DPP9: variants seen among roughly 807,000 people sequenced by gnomAD.
DPP9 encodes dipeptidyl peptidase 9.
In DPP9, 50 loss-of-function variants were observed where a neutral mutation model predicts 110.7. The observed-to-expected ratio is 0.45, with a 90% CI of 0.36 to 0.57. The LOEUF (loss-of-function observed/expected upper bound fraction) is 0.57, where lower values mean the gene tolerates loss of function less well. DPP9 is among the 20% of genes least tolerant of loss of function. The probability of loss-of-function intolerance (pLI) is 0.00; values close to 1 mark genes in which losing one functional copy is unlikely to be tolerated. For synonymous variants in DPP9, 561 were observed against 514.4 expected (o/e 1.09, Z -1.23); for missense variants, 1,022 against 1,217.9 (o/e 0.84, Z 2.39).
Position 4,718,629 on chromosome 19 carries a change from C to T in DPP9, c.56+1222G>A, listed in dbSNP as rs773522263. On this transcript the variant is annotated intron_variant, in intron 3 of 21. Transcript: ENST00000262960. This position sits in a 1 kb window ranked among gnomAD's most constrained non-coding sequence, Gnocchi z 4.3. ...TTGATGAGCAACCTTTACAGAGTCA[C>T]CCAGCAGCCTGTGCCCAGGTGGGAC... Among the ~76,000 whole-genome samples, 4 of 152,188 alleles carry T rather than the reference C, an allele frequency of 2.6e-5. No individual in the cohort carries two copies. The highest frequency in any genetic ancestry group is 5.9e-5 in the Non-Finnish European group (4 of 68,024).
At chr19:4,712,523 C>A (rs1433869641) in intron 4 of DPP9, among the ~76,000 whole-genome samples, 2 of 152,006 alleles carry the variant, frequency 1.3e-5, no homozygotes, top group Non-Finnish European at 2.9e-5. Context: ...TGCACTCCAG[C>A]CTGGGCAATG....
Position 4,689,490 on chromosome 19 carries a change from G to A in DPP9, c.1749+80C>T, listed in dbSNP as rs891539944. ...GACCATGAGAATGACCCTGAGTGCT[G>A]TGCCGGGCCATGAGGGACTGCTCTG... On this transcript the variant is annotated intron_variant, in intron 15 of 21. Coordinates refer to ENST00000262960, the MANE Select transcript of DPP9 (RefSeq NM_139159.5). This position sits in a 1 kb window ranked among gnomAD's most constrained non-coding sequence, Gnocchi z 7.0. The A allele has an allele frequency of 6.7e-7, 1 of 1,493,500 alleles. No homozygotes were observed. Among genetic ancestry groups the A allele is most frequent in the Non-Finnish European group, 8.9e-7 (1 of 1,118,806 alleles). 92.5% of individuals were successfully genotyped at this position (1,493,500 alleles called of 1,614,324 possible).
rs115007261 is a variant in DPP9, at chr19:4,694,618, G to T, written c.1516+43C>A. 4,787 of 1,587,520 alleles carry T rather than the reference G, an allele frequency of 3.0e-3. 111 individuals carry two copies. The African/African-American group carries it at 0.053, about 18-fold the overall frequency. On this transcript the variant is annotated intron_variant, in intron 13 of 21. Transcript: ENST00000262960. This position sits in a 1 kb window ranked among gnomAD's most constrained non-coding sequence, Gnocchi z 4.0. ...ACAAACAGCATATTGAACCACACGTGACTAACGCGATGAGTCGACAGCATT... is the reference window on the plus strand; with the variant it reads ...ACAAACAGCATATTGAACCACACGTTACTAACGCGATGAGTCGACAGCATT...
Position 4,689,513 on chromosome 19 carries a change from C to G in DPP9, c.1749+57G>C. 1 of 1,527,716 alleles carries G rather than the reference C, an allele frequency of 6.5e-7. No homozygotes were observed. Among genetic ancestry groups the G allele is most frequent in the Non-Finnish European group, 8.7e-7 (1 of 1,143,066 alleles). 94.6% of individuals were successfully genotyped at this position (1,527,716 alleles called of 1,614,324 possible). On this transcript the variant is annotated intron_variant, in intron 15 of 21. Transcript: ENST00000262960. The surrounding 1 kb of genome is among the most constrained non-coding windows in gnomAD (Gnocchi z 7.0). ...CTGTGCCGGGCCATGAGGGACTGCT[C>G]TGGCTGGGAGCTGTTGGACGGGCAC... is the stretch of plus-strand genomic sequence containing the variant.
intron 4 of DPP9, among the ~76,000 whole-genome samples, chr19:4,709,932 G>A (rs979049246): frequency 6.6e-6 from 1 of 152,194 alleles, no homozygotes; most frequent in African/African-American, 2.4e-5. Context: ...GGACACCAGG[G>A]CCACCTCCTT....
chr19:4,679,763 G>T, intron 21 of DPP9, 72 bp downstream of exon 21: 4 of 1,204,332 alleles, frequency 3.3e-6, no homozygotes, highest in South Asian at 1.3e-5. Flanking sequence ...AAGCCACCCC[G>T]CCTCGTCCCA....
rs1568305074 is a variant in DPP9, at chr19:4,685,667, T to C, written c.1990A>G (p.Lys664Glu). 1.2e-6 allele frequency: 2 copies of C among 1,612,584 alleles called. No individual in the cohort carries two copies. The highest frequency in any genetic ancestry group is 1.6e-4 in the Middle Eastern group (1 of 6,062). ...IYKPHALQPGKKHPTVLFVYG... is the reference protein window; with the variant it reads ...IYKPHALQPGEKHPTVLFVYG... Reference sequence around the variant, plus strand: ...ACAAAGAGGACGGTGGGGTGCTTCTTCCCTGGCTGCAAGGCGTGGGGCTTG... The same window carrying C: ...ACAAAGAGGACGGTGGGGTGCTTCTCCCCTGGCTGCAAGGCGTGGGGCTTG... The change falls in exon 17 of 22, where the codon AAG becomes GAG. Residue 664 changes from lysine to glutamate, a missense_variant. Coordinates refer to ENST00000262960, the MANE Select transcript of DPP9 (RefSeq NM_139159.5). The surrounding 1 kb of genome is among the most constrained non-coding windows in gnomAD (Gnocchi z 5.8).
intron 4 of DPP9, among the ~76,000 whole-genome samples, chr19:4,707,206 G>A (rs977547171): frequency 3.3e-5 from 5 of 152,158 alleles, no homozygotes; most frequent in Admixed American, 2.6e-4. Flanking sequence ...AGTAAGCCGC[G>A]GCTTTCCACC....
chr19:4,691,558 C>A (rs1054107681), intron 13 of DPP9, among the ~76,000 whole-genome samples: 1 of 151,094 alleles, frequency 6.6e-6, no homozygotes, highest in South Asian at 2.1e-4. Context: ...TAGAACCCTC[C>A]AAAGGCCACA....
At position 4,684,490 on chromosome 19, in the gene DPP9, G is replaced by T; in HGVS notation, c.2178+173C>A. 1.4e-6 allele frequency: 1 copy of T among 704,074 alleles called. No homozygotes were observed. Among genetic ancestry groups the T allele is most frequent in the Non-Finnish European group, 2.3e-6 (1 of 429,806 alleles). 43.6% of individuals were successfully genotyped at this position (704,074 alleles called of 1,614,324 possible). On this transcript the variant is annotated intron_variant, in intron 18 of 21. Transcript: ENST00000262960. The surrounding 1 kb of genome is among the most constrained non-coding windows in gnomAD (Gnocchi z 4.8). ...GCGCAGCCCAGAGCTGAGCAGCAAAGCATACATCCCCTTTTGTTCTAAAAG... is the reference window on the plus strand; with the variant it reads ...GCGCAGCCCAGAGCTGAGCAGCAAATCATACATCCCCTTTTGTTCTAAAAG...
chr19:4,695,498 G>C lies in DPP9; in HGVS notation c.1233C>G (p.Pro411=), dbSNP rs758162683. The C allele has an allele frequency of 9.6e-6, 15 of 1,559,934 alleles. No individual in the cohort carries two copies. Among genetic ancestry groups the C allele is most frequent in the Non-Finnish European group, 1.2e-5 (14 of 1,155,560 alleles). ...PQQWLQLVLL[P]PALFIPSTEN... is the part of the protein sequence containing the mutation. ...CTGTGCTCGGGATGAACAGGGCCGG[G>C]GGGAGGAGGACGAGCTGGAGCCACT... Residue 411 remains proline, a synonymous_variant, in exon 12 of 22, where the codon CCC becomes CCG. Coordinates refer to ENST00000262960, the MANE Select transcript of DPP9 (RefSeq NM_139159.5). This position sits in a 1 kb window ranked among gnomAD's most constrained non-coding sequence, Gnocchi z 4.7.
Position 4,690,784 on chromosome 19 carries a change from T to C in DPP9, c.1596+94A>G, listed in dbSNP as rs989477048. The C allele has an allele frequency of 1.6e-5, 15 of 930,674 alleles. 1 individual carries two copies. Among genetic ancestry groups the C allele is most frequent in the Non-Finnish European group, 2.2e-5 (13 of 588,464 alleles). 57.7% of individuals were successfully genotyped at this position (930,674 alleles called of 1,614,324 possible). A position where few individuals can be genotyped will look rare whatever the true frequency, so the allele number is the denominator to read the frequency against. On this transcript the variant is annotated intron_variant, in intron 14 of 21. Transcript: ENST00000262960. ...GTGAGAATGAGTATGTGTGTGAGTG[T>C]ATGTGTGTGTATGCGCGTGCGTGTG...
chr19:4,690,164 C>G (rs565958873), intron 14 of DPP9, among the ~76,000 whole-genome samples: 1 of 152,354 alleles, frequency 6.6e-6, no homozygotes, highest in African/African-American at 2.4e-5. Flanking sequence ...TGGGAAGCCC[C>G]AGTAGGCCCC....
In DPP9 at chr19:4,705,907, T is replaced by C. The variant is rs756260732; in HGVS notation, c.377A>G (p.Lys126Arg). The change falls in exon 5 of 22, where the codon AAA (lysine) becomes AGA (arginine). Residue 126 changes from lysine to arginine, a missense_variant. Physicochemically the swap from Lys to Arg is conservative, Grantham distance 26. Transcript: ENST00000262960. ...CCAGGACAGGAGCAGCAGAGCCTCT[T>C]TCCGGACCTTCTTGGGAATCTCAGA... is the stretch of plus-strand genomic sequence containing the variant. Reference protein sequence around the residue: ...LYSEIPKKVRKEALLLLSWKQ... With the variant: ...LYSEIPKKVRREALLLLSWKQ... 1.9e-6 allele frequency: 3 copies of C among 1,613,986 alleles called. No homozygotes were observed. The highest frequency in any genetic ancestry group is 2.5e-6 in the Non-Finnish European group (3 of 1,179,850).
At position 4,705,980 on chromosome 19, in the gene DPP9, G is replaced by A. The variant is rs375378530; in HGVS notation, c.314-10C>T. The A allele has an allele frequency of 6.2e-7, 1 of 1,611,524 alleles. No individual in the cohort carries two copies. Among genetic ancestry groups the A allele is most frequent in the African/African-American group, 1.3e-5 (1 of 74,870 alleles). ...CTGCCATATGGCATTCCTAAAGGGA[G>A]AAAGGAAACACCCAGAACGGGTACC... On this transcript the variant is annotated splice_polypyrimidine_tract_variant and intron_variant, in intron 4 of 21. Coordinates refer to ENST00000262960, the MANE Select transcript of DPP9 (RefSeq NM_139159.5).
At position 4,702,689 on chromosome 19, in the gene DPP9, T is replaced by C. The variant is rs748504646; in HGVS notation, c.797A>G (p.Lys266Arg). ...QGLSNVLDDP[K>R]SAGVATFVIQ... ...GACGAAGGTGGCCACACCCGCAGAC[T>C]TGGGGTCATCCAGGACATTGGATAA... The change falls in exon 8 of 22, where the codon AAG (lysine) becomes AGG (arginine). Residue 266 changes from lysine to arginine, a missense_variant. Transcript: ENST00000262960. The C allele has an allele frequency of 1.9e-6, 3 of 1,598,702 alleles. No homozygotes were observed. The Admixed American group carries it at 5.2e-5, about 28-fold the overall frequency.
chr19:4,681,042 C>A (rs992705476), intron 20 of DPP9, among the ~76,000 whole-genome samples: 9 of 152,206 alleles, frequency 5.9e-5, no homozygotes, highest in African/African-American at 2.2e-4. Context: ...AACACGCAGC[C>A]TCACCAGAAT....
At chr19:4,702,456 A>G (rs753792121) in intron 8 of DPP9, 147 bp downstream of exon 8, 1 of 720,962 alleles carries the variant, frequency 1.4e-6, no homozygotes, top group East Asian at 2.7e-5. Context: ...CGATGTCTAC[A>G]GTCGTTAAGG....
Position 4,682,688 on chromosome 19 carries a change from G to T in DPP9, c.2474+8C>A, listed in dbSNP as rs759860256. The T allele has an allele frequency of 2.5e-6, 4 of 1,608,820 alleles. No homozygotes were observed. In the East Asian group the frequency reaches 9.0e-5, roughly 36 times the overall value. ...GGGGAGGAGCGCAGGGCAGGGCAGTGGCCTTACTCATTGGGCAGCTTCTCC... is the reference window on the plus strand; with the variant it reads ...GGGGAGGAGCGCAGGGCAGGGCAGTTGCCTTACTCATTGGGCAGCTTCTCC... On this transcript the variant is annotated splice_region_variant and intron_variant, in intron 20 of 21. Coordinates refer to ENST00000262960, the MANE Select transcript of DPP9 (RefSeq NM_139159.5). The surrounding 1 kb of genome is among the most constrained non-coding windows in gnomAD (Gnocchi z 7.1).
Sources: allele counts gnomAD v4.1 joint callset (sites outside exome capture counted in the v4.1 genomes callset), GRCh38; gene constraint gnomAD v4.1.1; non-coding constraint Gnocchi (gnomAD v3.1); transcripts MANE v1.5; gene names NCBI Gene and HGNC (gene_info 2026-07-23, HGNC 2026-07-21).